Variants in ELMO1 observed in about 807,000 individuals in gnomAD.
The protein encoded by ELMO1 is engulfment and cell motility protein 1.
A neutral mutation model predicts 98.9 loss-of-function variants in ELMO1; 26 were observed. The ratio of observed to expected loss-of-function variants is 0.26; its 90% CI spans 0.19 to 0.36. The LOEUF is 0.36. ELMO1 is among the 10% of genes least tolerant of loss of function. The probability of loss-of-function intolerance (pLI) is 1.00; values close to 1 mark genes in which losing one functional copy is unlikely to be tolerated. For synonymous variants in ELMO1, 346 were observed against 346.0 expected, an observed-to-expected ratio of 1.00 and a Z score of 0.00; for missense variants, 627 against 935.2, an observed-to-expected ratio of 0.67 and a Z score of 4.30.
At chr7:37,203,196 C>T (rs1792398799) in intron 13 of ELMO1, among the ~76,000 whole-genome samples, 1 of 152,182 alleles carries the variant, frequency 6.6e-6, no homozygotes. Flanking sequence ...CCTCCTAGAC[C>T]ACAAAGAGGA....
intron 2 of ELMO1, among the ~76,000 whole-genome samples, chr7:37,317,210 A>G (rs1477583771): frequency 6.6e-6 from 1 of 152,196 alleles, no homozygotes; most frequent in Non-Finnish European, 1.5e-5. Flanking sequence ...CCGTTTGTAT[A>G]GTCCTCTCCA....
chr7:36,941,398 G>A (rs1181195061), intron 16 of ELMO1, among the ~76,000 whole-genome samples: 4 of 152,202 alleles, frequency 2.6e-5, no homozygotes, highest in South Asian at 2.1e-4. Flanking sequence ...CAGGTTCCAC[G>A]ATGTGTTGGG....
chr7:37,085,467 GGTTA>G (rs1783713823), intron 15 of ELMO1, among the ~76,000 whole-genome samples: 1 of 152,090 alleles, frequency 6.6e-6, no homozygotes, highest in Non-Finnish European at 1.5e-5. Context: ...ATTTTAGTGA[GGTTA>G]GTTTATTTTA....
intron 16 of ELMO1, among the ~76,000 whole-genome samples, chr7:36,962,569 TTTGGTGAC>T (rs1157615627): frequency 6.6e-6 from 1 of 150,556 alleles, no homozygotes; most frequent in Non-Finnish European, 1.5e-5. Flanking sequence ...GAATGTAGAG[TTTGGTGAC>T]TAATTGGATG....
intron 15 of ELMO1, among the ~76,000 whole-genome samples, chr7:37,083,155 A>C (rs1290433356): frequency 1.3e-5 from 2 of 152,198 alleles, no homozygotes; most frequent in Admixed American, 1.3e-4. Context: ...AGGTCTTCTA[A>C]TGCTTAATCT....
intron 13 of ELMO1, among the ~76,000 whole-genome samples, chr7:37,204,817 C>T (rs1195185051): frequency 6.6e-6 from 1 of 152,116 alleles, no homozygotes; most frequent in Non-Finnish European, 1.5e-5. Context: ...CTCCAAGTCC[C>T]CCACCCGATT....
intron 15 of ELMO1, among the ~76,000 whole-genome samples, chr7:37,059,416 T>C (rs1485200858): frequency 2.0e-5 from 3 of 152,242 alleles, no homozygotes; most frequent in African/African-American, 4.8e-5. Context: ...TAATATTATG[T>C]GCGTCAATCT....
intron 16 of ELMO1, among the ~76,000 whole-genome samples, chr7:36,964,855 T>C (rs2129125174): frequency 6.6e-6 from 1 of 152,326 alleles, no homozygotes; most frequent in South Asian, 2.1e-4. Context: ...ATAAGATGTT[T>C]AATAATAAAC....
intron 1 of ELMO1, chr7:37,353,467 TG>T: frequency 6.0e-6 from 1 of 166,132 alleles, no homozygotes; most frequent in Non-Finnish European, 1.3e-5. Flanking sequence ...TTCCTCCCGG[TG>T]GGTTCGTGGT....
intron 1 of ELMO1, among the ~76,000 whole-genome samples, chr7:37,422,664 G>GA (rs34938305): frequency 1.3e-5 from 2 of 151,808 alleles, no homozygotes; most frequent in African/African-American, 2.4e-5. Context: ...TTCCTATTTA[G>GA]AAAAAAAAGC....
At chr7:37,214,173 G>A (rs1793149637) in intron 11 of ELMO1, among the ~76,000 whole-genome samples, 1 of 152,146 alleles carries the variant, frequency 6.6e-6, no homozygotes, top group South Asian at 2.1e-4. Context: ...TGGGACAGCT[G>A]CCACCAACTC....
At chr7:36,980,873 T>C (rs1393852111) in intron 16 of ELMO1, among the ~76,000 whole-genome samples, 1 of 152,102 alleles carries the variant, frequency 6.6e-6, no homozygotes, top group East Asian at 1.9e-4. Flanking sequence ...TGCCTATGGT[T>C]TAATCTATTT....
At chr7:36,989,511 AAGG>A (rs1194576809) in intron 16 of ELMO1, among the ~76,000 whole-genome samples, 1 of 152,202 alleles carries the variant, frequency 6.6e-6, no homozygotes, top group East Asian at 1.9e-4. Context: ...TGTTTTTGTA[AAGG>A]AGGAGAAGAC....
intron 15 of ELMO1, among the ~76,000 whole-genome samples, chr7:37,040,721 G>C (rs947165221): frequency 6.6e-6 from 1 of 152,146 alleles, no homozygotes; most frequent in Non-Finnish European, 1.5e-5. Context: ...GCTATATCCT[G>C]GTGGGTATAA....
intron 16 of ELMO1, among the ~76,000 whole-genome samples, chr7:36,979,794 C>A (rs1790890579): frequency 6.6e-6 from 1 of 152,172 alleles, no homozygotes; most frequent in African/African-American, 2.4e-5. Context: ...GGACCTGTGG[C>A]CTAGATGACT....
chr7:37,267,168 C>T (rs1029406954), intron 5 of ELMO1, among the ~76,000 whole-genome samples: 1 of 151,206 alleles, frequency 6.6e-6, no homozygotes, highest in Non-Finnish European at 1.5e-5. Context: ...CCTTGAGAAA[C>T]ATTTTATCCT....
intron 1 of ELMO1, chr7:37,353,063 C>CAT: frequency 6.6e-6 from 1 of 152,382 alleles, no homozygotes; most frequent in East Asian, 1.9e-4. Flanking sequence ...TTTGCGGCAC[C>CAT]TGCTGGTGGC....
intron 1 of ELMO1, among the ~76,000 whole-genome samples, chr7:37,438,354 G>A (rs1805238397): frequency 6.6e-6 from 1 of 151,296 alleles, no homozygotes; most frequent in African/African-American, 2.4e-5. Flanking sequence ...TTGGGAGGCC[G>A]AGGCAGGAGG....
chr7:37,182,137 C>T (rs145710692), intron 13 of ELMO1, among the ~76,000 whole-genome samples: 20 of 152,288 alleles, frequency 1.3e-4, no homozygotes, highest in African/African-American at 4.8e-4. Context: ...CCCACCGCCC[C>T]GAGGCTCCTA....
Sources: gnomAD v4.1 joint callset for allele counts (sites outside exome capture counted in the v4.1 genomes callset) on GRCh38, gnomAD v4.1.1 for gene constraint, MANE v1.5 for transcripts, NCBI Gene and HGNC (gene_info 2026-07-23, HGNC 2026-07-21) for gene names.